NLGN4X: variants seen among roughly 807,000 people sequenced by gnomAD.
NLGN4X encodes neuroligin-4, X-linked.
NLGN4X carries 3 observed loss-of-function variants against 40.3 expected under a neutral mutation model. The ratio of observed to expected loss-of-function variants is 0.07; its 90% CI spans 0.03 to 0.19. The LOEUF is 0.19. Ranked by LOEUF, NLGN4X falls within the 10% of genes least tolerant of loss-of-function variation. The pLI, the probability that NLGN4X is intolerant of heterozygous loss-of-function variation, is 1.00. For missense variants in NLGN4X, 382 were observed against 708.3 expected, an observed-to-expected ratio of 0.54 and a Z score of 5.23; for synonymous variants, 270 against 306.8, an observed-to-expected ratio of 0.88 and a Z score of 1.25.
At chrX:6,028,243 C>A (rs1370933293) in intron 3 of NLGN4X, among the ~76,000 whole-genome samples, 1 of 112,015 alleles carries the variant, frequency 8.9e-6, no homozygotes, top group Non-Finnish European at 1.9e-5. Context: ...GCCTGGAAAA[C>A]AAATGTTTTT....
chrX:5,938,054 G>T (rs1476974919), intron 3 of NLGN4X, among the ~76,000 whole-genome samples: 1 of 111,603 alleles, frequency 9.0e-6, no homozygotes, highest in Non-Finnish European at 1.9e-5. Flanking sequence ...GTAGGGTCAG[G>T]GTTTGGGTTC....
At chrX:5,984,409 G>A (rs1307673821) in intron 3 of NLGN4X, among the ~76,000 whole-genome samples, 3 of 109,842 alleles carry the variant, frequency 2.7e-5, no homozygotes, top group African/African-American at 9.9e-5. Flanking sequence ...AAAGGAGCCA[G>A]AGGGAGAAAA....
chrX:6,077,359 TG>T (rs1324613694), intron 2 of NLGN4X, among the ~76,000 whole-genome samples: 4 of 107,337 alleles, frequency 3.7e-5, no homozygotes, highest in Non-Finnish European at 7.7e-5. Context: ...CAGGACAGAG[TG>T]CACCGAGGCC....
intron 1 of NLGN4X, among the ~76,000 whole-genome samples, chrX:6,162,364 A>C (rs2040418230): frequency 8.9e-6 from 1 of 111,856 alleles, no homozygotes; most frequent in African/African-American, 3.2e-5. Flanking sequence ...TTGCCAAAGG[A>C]GATTAATATT....
intron 3 of NLGN4X, among the ~76,000 whole-genome samples, chrX:6,012,722 C>T (rs2036286716): frequency 1.8e-5 from 2 of 110,683 alleles, no homozygotes; most frequent in African/African-American, 6.6e-5. Flanking sequence ...GAAAAGGAGA[C>T]GACACATACA....
intron 1 of NLGN4X, among the ~76,000 whole-genome samples, chrX:6,179,126 G>GGAAGGAAGGAAGGAAGGAAGGAAT (rs1921147655): frequency 9.2e-6 from 1 of 108,330 alleles, no homozygotes; most frequent in Non-Finnish European, 1.9e-5. Flanking sequence ...AAGGAAGGAA[G>GGAAGGAAGGAAGGAAGGAAGGAAT]GAATTCTAAG....
chrX:5,901,664 TTGTG>T (rs751012209), intron 5 of NLGN4X, among the ~76,000 whole-genome samples: 27 of 109,911 alleles, frequency 2.5e-4, no homozygotes, highest in African/African-American at 6.3e-4. Context: ...GTATGTGTGT[TTGTG>T]TGTGTGTGTT....
chrX:6,077,021 T>C (rs1360525719), intron 2 of NLGN4X, among the ~76,000 whole-genome samples: 2 of 111,856 alleles, frequency 1.8e-5, no homozygotes, highest in Non-Finnish European at 3.8e-5. Flanking sequence ...TGTTCTTTCA[T>C]TAGAATTCTA....
intron 1 of NLGN4X, among the ~76,000 whole-genome samples, chrX:6,193,046 T>C (rs1922685389): frequency 9.0e-6 from 1 of 111,477 alleles, no homozygotes; most frequent in Non-Finnish European, 1.9e-5. Flanking sequence ...CAGAACACAG[T>C]CATTGACTGC....
At chrX:6,056,519 C>A (rs367811536) in intron 2 of NLGN4X, among the ~76,000 whole-genome samples, 1 of 110,948 alleles carries the variant, frequency 9.0e-6, no homozygotes, top group Non-Finnish European at 1.9e-5. Context: ...CGTGTAAGTG[C>A]CCTTTTGTTT....
At chrX:6,156,929 T>G (rs149305918) in intron 1 of NLGN4X, among the ~76,000 whole-genome samples, 1 of 110,954 alleles carries the variant, frequency 9.0e-6, no homozygotes, top group Non-Finnish European at 1.9e-5. Context: ...ATGTTATTGG[T>G]ATACACACAA....
At chrX:6,071,590 G>A (rs2038065307) in intron 2 of NLGN4X, among the ~76,000 whole-genome samples, 1 of 110,748 alleles carries the variant, frequency 9.0e-6, no homozygotes, top group Non-Finnish European at 1.9e-5. Flanking sequence ...ATCCCCTCAT[G>A]GTCCCGGAGA....
chrX:5,901,809 G>GTA (rs1265656293), intron 5 of NLGN4X, among the ~76,000 whole-genome samples: 3 of 104,480 alleles, frequency 2.9e-5, no homozygotes, highest in Middle Eastern at 5.1e-3. Flanking sequence ...TATATATATT[G>GTA]TATATATATA....
intron 1 of NLGN4X, among the ~76,000 whole-genome samples, chrX:6,154,678 A>C (rs1357500891): frequency 8.9e-6 from 1 of 112,280 alleles, no homozygotes; most frequent in Non-Finnish European, 1.9e-5. Flanking sequence ...ATGGATTAAA[A>C]ATTTTAATAA....
intron 3 of NLGN4X, among the ~76,000 whole-genome samples, chrX:5,921,148 C>CATATATATATATATATATATATATACAT (rs60922455): frequency 1.6e-4 from 15 of 91,035 alleles, no homozygotes; most frequent in African/African-American, 4.0e-4. Context: ...TATATATATA[C>CATATATATATATATATATATATATACAT]ATATATATAT....
chrX:6,186,292 T>G (rs1412792221), intron 1 of NLGN4X, among the ~76,000 whole-genome samples: 1 of 111,898 alleles, frequency 8.9e-6, no homozygotes, highest in African/African-American at 3.2e-5. Context: ...TAAATTTAAG[T>G]GTGTGGTTGG....
chrX:5,975,833 G>T (rs1027428044), intron 3 of NLGN4X, among the ~76,000 whole-genome samples: 4 of 110,494 alleles, frequency 3.6e-5, no homozygotes, highest in African/African-American at 1.3e-4. Flanking sequence ...AAAAGAAAAA[G>T]CCTGATATTT....
At chrX:5,983,600 A>G (rs985986836) in intron 3 of NLGN4X, among the ~76,000 whole-genome samples, 1 of 111,619 alleles carries the variant, frequency 9.0e-6, no homozygotes, top group Non-Finnish European at 1.9e-5. Flanking sequence ...CAAACTTGAG[A>G]AGAGGTGAGA....
intron 1 of NLGN4X, chrX:6,186,911 T>A (rs924727632): frequency 2.7e-5 from 3 of 110,871 alleles, no homozygotes; most frequent in Non-Finnish European, 3.8e-5. Flanking sequence ...TCATCAGTAT[T>A]TTGTCTCTAT....
Sources: allele counts gnomAD v4.1 joint callset (sites outside exome capture counted in the v4.1 genomes callset), GRCh38; gene constraint gnomAD v4.1.1; transcripts MANE v1.5; gene names NCBI Gene and HGNC (gene_info 2026-07-23, HGNC 2026-07-21).